The following METTL15 variants were observed in gnomAD, a reference collection of about 807,000 sequenced individuals.
The protein encoded by METTL15 is methyltransferase 15, mitochondrial 12S rRNA N4-cytidine.
In METTL15, 34 loss-of-function variants were observed where a neutral mutation model predicts 38.3. That is an observed-to-expected ratio of 0.89 (90% CI 0.68 to 1.18). The LOEUF is 1.18. Among genes scored for constraint, METTL15 ranks in the 50% most tolerant of loss-of-function variants. The probability of loss-of-function intolerance (pLI) is 0.00; values close to 1 mark genes in which losing one functional copy is unlikely to be tolerated. For missense variants in METTL15, 438 were observed against 498.4 expected, an observed-to-expected ratio of 0.88 and a Z score of 1.15; for synonymous variants, 162 against 170.9, an observed-to-expected ratio of 0.95 and a Z score of 0.41.
At chr11:28,312,966 T>A (rs1857358196) in intron 6 of METTL15, among the ~76,000 whole-genome samples, 2 of 152,040 alleles carry the variant, frequency 1.3e-5, no homozygotes, top group Non-Finnish European at 2.9e-5. Context: ...ACCATAGGAC[T>A]TGTTTTTTTT....
At chr11:28,186,217 T>G (rs1326034054) in intron 3 of METTL15, among the ~76,000 whole-genome samples, 1 of 151,170 alleles carries the variant, frequency 6.6e-6, no homozygotes, top group African/African-American at 2.4e-5. Context: ...TAGAAGTCAT[T>G]GCTGATTTTG....
chr11:28,465,410 C>T (rs1851248994), intron 6 of METTL15, among the ~76,000 whole-genome samples: 2 of 152,116 alleles, frequency 1.3e-5, no homozygotes, highest in African/African-American at 4.8e-5. Context: ...CAATTGACTT[C>T]CATATCCTGA....
chr11:28,336,043 T>C (rs894673926), downstream of METTL15, among the ~76,000 whole-genome samples: 1 of 152,190 alleles, frequency 6.6e-6, no homozygotes, highest in Non-Finnish European at 1.5e-5. Context: ...CTGGACGTTA[T>C]GGTTAAAGAT....
At chr11:28,523,596 C>G (rs1851785343) in intron 6 of METTL15, among the ~76,000 whole-genome samples, 3 of 152,136 alleles carry the variant, frequency 2.0e-5, no homozygotes, top group Non-Finnish European at 2.9e-5. Flanking sequence ...ATTGCCATAA[C>G]TAATATAGAA....
At chr11:28,293,572 G>C (rs559778877) in intron 5 of METTL15, among the ~76,000 whole-genome samples, 2 of 151,872 alleles carry the variant, frequency 1.3e-5, no homozygotes, top group African/African-American at 4.8e-5. Flanking sequence ...CTTTAAAGTA[G>C]TTTTTTCCAA....
intron 5 of METTL15, among the ~76,000 whole-genome samples, chr11:28,372,406 G>C (rs1480315262): frequency 6.9e-6 from 1 of 145,148 alleles, no homozygotes; most frequent in African/African-American, 2.5e-5. Context: ...TTGTATCGAT[G>C]TTCATTAGTA....
chr11:28,460,704 A>G (rs1851206865), intron 6 of METTL15, among the ~76,000 whole-genome samples: 1 of 152,070 alleles, frequency 6.6e-6, no homozygotes. Flanking sequence ...CATCACATGG[A>G]GATGTGTTTA....
In METTL15 at chr11:28,330,717, C is replaced by T. The variant is rs1014002513; in HGVS notation, c.1100C>T (p.Ser367Phe). 26 of 1,551,404 alleles carry T rather than the reference C, an allele frequency of 1.7e-5. No individual in the cohort carries two copies. The highest frequency in any genetic ancestry group is 2.1e-5 in the Non-Finnish European group (24 of 1,146,822). The change falls in exon 7 of 7, where the codon TCT becomes TTT. Residue 367 changes from serine (S) to phenylalanine (F), a missense_variant. Coordinates refer to ENST00000407364, the MANE Select transcript of METTL15 (RefSeq NM_001113528.2). ...GSDHENTEEV[S>F]MRRAPLMWEL... ...GATCACGAAAACACGGAAGAAGTCT[C>T]TATGAGAAGAGCTCCTTTAATGTGG... is the stretch of plus-strand genomic sequence containing the variant.
chr11:28,490,729 T>C (rs1215713459), intron 6 of METTL15, among the ~76,000 whole-genome samples: 1 of 152,050 alleles, frequency 6.6e-6, no homozygotes, highest in Non-Finnish European at 1.5e-5. Flanking sequence ...AAGACAAACA[T>C]TGAAGAAAAT....
chr11:28,335,297 A>G (rs905994140), downstream of METTL15, among the ~76,000 whole-genome samples: 8 of 152,150 alleles, frequency 5.3e-5, no homozygotes, highest in Admixed American at 2.6e-4. Context: ...GAATAACGCT[A>G]TTGGCTGGGG....
chr11:28,161,106 C>CT (rs1363153345), intron 3 of METTL15, among the ~76,000 whole-genome samples: 1 of 59,738 alleles, frequency 1.7e-5, no homozygotes, highest in African/African-American at 5.1e-5. Context: ...TTTGCACCTT[C>CT]CTTTTTTTTT....
At chr11:28,235,796 A>G (rs2133891888) in intron 4 of METTL15, among the ~76,000 whole-genome samples, 1 of 152,220 alleles carries the variant, frequency 6.6e-6, no homozygotes, top group East Asian at 1.9e-4. Context: ...AATACCCTTT[A>G]TTTCCTTCTC....
intron 6 of METTL15, among the ~76,000 whole-genome samples, chr11:28,502,496 A>C (rs1000144633): frequency 1.3e-5 from 2 of 152,212 alleles, no homozygotes; most frequent in African/African-American, 2.4e-5. Context: ...TACATTACTG[A>C]ATCAGACTAA....
chr11:28,183,566 T>C (rs1851376654), intron 3 of METTL15, among the ~76,000 whole-genome samples: 1 of 151,744 alleles, frequency 6.6e-6, no homozygotes, highest in Non-Finnish European at 1.5e-5. Context: ...ATGTTTATTA[T>C]TTTACATATG....
At chr11:28,144,033 A>G (rs898741918) in intron 3 of METTL15, among the ~76,000 whole-genome samples, 8 of 152,102 alleles carry the variant, frequency 5.3e-5, no homozygotes, top group African/African-American at 1.9e-4. Context: ...TGCTATAATT[A>G]TTTATTTAAT....
chr11:28,446,776 A>T (rs909887066), intron 6 of METTL15, among the ~76,000 whole-genome samples: 3 of 152,120 alleles, frequency 2.0e-5, no homozygotes, highest in African/African-American at 7.2e-5. Flanking sequence ...AAATTCAAAA[A>T]TTATAGATGA....
chr11:28,150,707 A>G (rs1197333204), intron 3 of METTL15, among the ~76,000 whole-genome samples: 1 of 151,954 alleles, frequency 6.6e-6, no homozygotes, highest in Non-Finnish European at 1.5e-5. Flanking sequence ...TCTAGTTATC[A>G]GTTTAGAAAT....
intron 6 of METTL15, among the ~76,000 whole-genome samples, chr11:28,300,282 T>G (rs1480036636): frequency 6.6e-6 from 1 of 152,132 alleles, no homozygotes; most frequent in African/African-American, 2.4e-5. Context: ...TATCAAGCAC[T>G]CTAGGAAATA....
At chr11:28,127,976 C>A (rs995604454) in intron 3 of METTL15, among the ~76,000 whole-genome samples, 1 of 152,050 alleles carries the variant, frequency 6.6e-6, no homozygotes, top group African/African-American at 2.4e-5. Flanking sequence ...AGTTGACTTA[C>A]CACCATTCAG....
Sources: allele counts gnomAD v4.1 joint callset (sites outside exome capture counted in the v4.1 genomes callset), GRCh38; gene constraint gnomAD v4.1.1; transcripts MANE v1.5; gene names NCBI Gene and HGNC (gene_info 2026-07-23, HGNC 2026-07-21).